ZNF407: variants seen among roughly 807,000 people sequenced by gnomAD.
ZNF407 encodes zinc finger protein 407.
ZNF407 carries 17 observed loss-of-function variants against 131.2 expected under a neutral mutation model. The ratio of observed to expected loss-of-function variants is 0.13; its 90% CI spans 0.09 to 0.19. ZNF407 has a LOEUF of 0.19. Among genes scored for constraint, ZNF407 ranks in the 10% least tolerant of loss-of-function variants. The pLI is 1.00. For missense variants in ZNF407, 2,681 were observed against 2,830.6 expected (o/e 0.95, Z 1.20); for synonymous variants, 1,156 against 1,062.0 (o/e 1.09, Z -1.72).
intron 8 of ZNF407, among the ~76,000 whole-genome samples, chr18:74,980,697 G>A (rs1360996358): frequency 6.6e-6 from 1 of 152,166 alleles, no homozygotes; most frequent in African/African-American, 2.4e-5. Context: ...TCCAACCTAA[G>A]AAGATTCATT....
At chr18:74,969,822 G>T (rs987148238) in intron 8 of ZNF407, among the ~76,000 whole-genome samples, 2 of 152,174 alleles carry the variant, frequency 1.3e-5, no homozygotes, top group Non-Finnish European at 2.9e-5. Context: ...GTTAAGTGTT[G>T]TTAACTTGTT....
chr18:74,769,827 C>T (rs1969324818), intron 3 of ZNF407, among the ~76,000 whole-genome samples: 1 of 152,146 alleles, frequency 6.6e-6, no homozygotes, highest in Non-Finnish European at 1.5e-5. Flanking sequence ...CACTGATTTA[C>T]TTAGTTGTTG....
chr18:74,975,923 CAG>C (rs1298724920), intron 8 of ZNF407, among the ~76,000 whole-genome samples: 1 of 152,314 alleles, frequency 6.6e-6, no homozygotes, highest in East Asian at 1.9e-4. Flanking sequence ...ATGGTCATGA[CAG>C]AGAGGTTTCT....
chr18:75,048,947 G>T lies in ZNF407; in HGVS notation c.5429-14203G>T, dbSNP rs1178080897. On this transcript the variant is annotated intron_variant, in intron 8 of 8. Coordinates refer to ENST00000299687, the MANE Select transcript of ZNF407 (RefSeq NM_017757.3). This position sits in a 1 kb window ranked among gnomAD's most constrained non-coding sequence, Gnocchi z 4.1. ...TGGCTGGCAGGAATGGGCCTGGAGGGGACCCTTTTGTGGAGTCACCCTTGG... is the reference window on the plus strand; with the variant it reads ...TGGCTGGCAGGAATGGGCCTGGAGGTGACCCTTTTGTGGAGTCACCCTTGG... Among the ~76,000 whole-genome samples, 1 of 152,138 alleles carries T rather than the reference G, an allele frequency of 6.6e-6. No homozygotes were observed. Among genetic ancestry groups the T allele is most frequent in the African/African-American group, 2.4e-5 (1 of 41,426 alleles).
chr18:74,738,359 G>T (rs573947276), intron 3 of ZNF407, among the ~76,000 whole-genome samples: 1 of 143,698 alleles, frequency 7.0e-6, no homozygotes, highest in Non-Finnish European at 1.5e-5. Context: ...GGCGGAGGCT[G>T]CAGTGAGCCA....
chr18:74,676,038 A>G (rs1986343222), intron 3 of ZNF407, among the ~76,000 whole-genome samples: 1 of 152,164 alleles, frequency 6.6e-6, no homozygotes, highest in African/African-American at 2.4e-5. Context: ...TTCAAGTTCT[A>G]CTACTTCTGA....
intron 3 of ZNF407, among the ~76,000 whole-genome samples, chr18:74,755,767 TTCTTTCTC>T (rs1394020411): frequency 7.8e-6 from 1 of 129,032 alleles, no homozygotes; most frequent in African/African-American, 3.5e-5. Context: ...CTTTCTTTCT[TTCTTTCTC>T]TCTCTCTCTT....
rs188179037 is a variant in ZNF407, at chr18:75,043,128, A to G, written c.5429-20022A>G. Among the ~76,000 whole-genome samples, 60 of 152,290 alleles carry G rather than the reference A, an allele frequency of 3.9e-4. No homozygotes were observed. In the East Asian group the frequency reaches 0.011, roughly 27 times the overall value. ...CATGGCTGTGCCATTTCGCATCCCC[A>G]CCAGCAGTTCATGAGAGCTCCAGGT... On this transcript the variant is annotated intron_variant, in intron 8 of 8. Coordinates refer to ENST00000299687, the MANE Select transcript of ZNF407 (RefSeq NM_017757.3).
At chr18:74,928,073 A>G (rs575134470) in intron 8 of ZNF407, among the ~76,000 whole-genome samples, 1 of 152,326 alleles carries the variant, frequency 6.6e-6, no homozygotes, top group Non-Finnish European at 1.5e-5. Context: ...ACACAGTCTC[A>G]GGAGGTTCTG....
intron 8 of ZNF407, among the ~76,000 whole-genome samples, chr18:75,034,300 G>GTTT (rs71170337): frequency 1.3e-3 from 148 of 115,198 alleles, no homozygotes; most frequent in Non-Finnish European, 1.7e-3. Flanking sequence ...TCTGTGTTGG[G>GTTT]TTTTTTTTTT....
intron 3 of ZNF407, among the ~76,000 whole-genome samples, chr18:74,779,042 A>G (rs555538156): frequency 7.6e-4 from 107 of 140,484 alleles, no homozygotes; most frequent in Non-Finnish European, 1.3e-3. Flanking sequence ...ATGGCTGTCA[A>G]TATTATGTCC....
chr18:74,901,044 C>T (rs369167489), intron 7 of ZNF407, among the ~76,000 whole-genome samples: 1 of 152,122 alleles, frequency 6.6e-6, no homozygotes, highest in Non-Finnish European at 1.5e-5. Context: ...GCAAACATAT[C>T]ACCCTGTAGG....
intron 1 of ZNF407, among the ~76,000 whole-genome samples, chr18:74,624,095 A>AC (rs149149452): frequency 0.01 from 1,569 of 152,294 alleles, 29 homozygotes; most frequent in African/African-American, 0.035. Flanking sequence ...AAGCACTGGT[A>AC]CTTTGAGAGG....
At chr18:74,789,333 T>C (rs1969780946) in intron 4 of ZNF407, among the ~76,000 whole-genome samples, 1 of 152,110 alleles carries the variant, frequency 6.6e-6, no homozygotes, top group African/African-American at 2.4e-5. Flanking sequence ...TTTGTTCCGG[T>C]GTGCCTTGAG....
intron 8 of ZNF407, among the ~76,000 whole-genome samples, chr18:74,974,967 G>T (rs1472005155): frequency 6.6e-6 from 1 of 152,220 alleles, no homozygotes; most frequent in Non-Finnish European, 1.5e-5. Flanking sequence ...TCGATCTACT[G>T]ATTTTTATGT....
At chr18:75,002,637 C>T (rs1344013511) in intron 8 of ZNF407, among the ~76,000 whole-genome samples, 1 of 152,016 alleles carries the variant, frequency 6.6e-6, no homozygotes, top group Non-Finnish European at 1.5e-5. Context: ...CCCGTCTCTA[C>T]TAAAAAAATA....
chr18:74,625,697 C>T (rs898834195), intron 1 of ZNF407, among the ~76,000 whole-genome samples: 1 of 152,188 alleles, frequency 6.6e-6, no homozygotes, highest in Non-Finnish European at 1.5e-5. Flanking sequence ...CACATAACTT[C>T]ACCATGCCCC....
rs1011792950 is a variant in ZNF407 at position 74,763,365 on chromosome 18, T to C, written c.4803-18063T>C. ...GATAAGCTTTTTATTAAACATATGA[T>C]TTGCAAGTATTTTGTCCTAGTCTGT... On this transcript the variant is annotated intron_variant, in intron 3 of 8. Transcript: ENST00000299687. Among the ~76,000 whole-genome samples, 6 of 151,752 alleles carry C rather than the reference T, an allele frequency of 4.0e-5. No homozygotes were observed. The East Asian group carries it at 9.6e-4, about 24-fold the overall frequency.
chr18:75,045,897 A>G (rs1396094851), intron 8 of ZNF407, among the ~76,000 whole-genome samples: 1 of 152,206 alleles, frequency 6.6e-6, no homozygotes, highest in Non-Finnish European at 1.5e-5. Flanking sequence ...CCCAGAATCT[A>G]TAAACCACCT....
Sources: gnomAD v4.1 joint callset for allele counts (sites outside exome capture counted in the v4.1 genomes callset) on GRCh38, gnomAD v4.1.1 for gene constraint, Gnocchi (gnomAD v3.1) non-coding constraint, MANE v1.5 for transcripts, NCBI Gene and HGNC (gene_info 2026-07-23, HGNC 2026-07-21) for gene names.